FAIM2: variants seen among roughly 807,000 people sequenced by gnomAD.
FAIM2 encodes the protein Fas apoptotic inhibitory molecule 2.
In FAIM2, 27 loss-of-function variants were observed where a neutral mutation model predicts 47.4. That is an observed-to-expected ratio of 0.57 (90% confidence interval 0.42 to 0.78). The LOEUF is 0.78. Ranked by LOEUF, FAIM2 falls within the 30% of genes least tolerant of loss-of-function variation. The pLI, the probability that FAIM2 is intolerant of heterozygous loss-of-function variation, is 0.00. For synonymous variants in FAIM2, 156 were observed against 159.3 expected (o/e 0.98, Z 0.16); for missense variants, 311 against 389.4 (o/e 0.80, Z 1.69).
chr12:49,876,559 CGAG>C (rs1946737854), intron 11 of FAIM2, among the ~76,000 whole-genome samples: 2 of 151,344 alleles, frequency 1.3e-5, no homozygotes, highest in African/African-American at 4.9e-5. Flanking sequence ...GTCAGGAGAT[CGAG>C]ACCATCCTGG....
intron 11 of FAIM2, among the ~76,000 whole-genome samples, chr12:49,880,219 T>C (rs1490933329): frequency 1.3e-5 from 2 of 151,784 alleles, no homozygotes; most frequent in African/African-American, 2.4e-5. Context: ...CATGTGTGTA[T>C]ATGTGCATGC....
rs1310752354 is a variant in FAIM2 at position 49,875,000 on chromosome 12, T to C, written c.802-4347A>G. Among the ~76,000 whole-genome samples the C allele has an allele frequency of 2.0e-5, 3 of 152,170 alleles. No individual in the cohort carries two copies. The highest frequency in any genetic ancestry group is 7.2e-5 in the African/African-American group (3 of 41,442). The stretch of plus-strand genomic sequence containing the variant: ...GTCAGAGGAGCGCACATAGCAAATA[T>C]CTATGAAATGCATAAAGAAAGGTCT... On this transcript the variant is annotated intron_variant, in intron 11 of 11. Transcript: ENST00000320634. The surrounding 1 kb of genome is among the most constrained non-coding windows in gnomAD (Gnocchi z 4.2).
chr12:49,889,236 G>A (rs371670853), intron 9 of FAIM2, 34 bp from the exon 10 acceptor site: 202 of 1,544,644 alleles, frequency 1.3e-4, no homozygotes, highest in Middle Eastern at 1.7e-4. Context: ...CTGCAGGAGC[G>A]GCCTGACCTT....
intron 11 of FAIM2, among the ~76,000 whole-genome samples, chr12:49,872,708 G>A (rs1351148285): frequency 2.0e-5 from 3 of 152,186 alleles, no homozygotes; most frequent in Non-Finnish European, 4.4e-5. Flanking sequence ...ATGAGCACAG[G>A]CTTGAAAGTC....
chr12:49,882,135 A>G (rs1946830182), intron 11 of FAIM2, among the ~76,000 whole-genome samples: 2 of 152,188 alleles, frequency 1.3e-5, no homozygotes, highest in African/African-American at 4.8e-5. Context: ...TGCCAGGGAC[A>G]CCTGCATGCA....
intron 11 of FAIM2, among the ~76,000 whole-genome samples, chr12:49,880,879 T>TGA (rs753738579): frequency 1.9e-3 from 171 of 87,954 alleles, no homozygotes; most frequent in African/African-American, 7.2e-3. Context: ...TGCGTGAATG[T>TGA]GAGTGTGTGT....
intron 11 of FAIM2, among the ~76,000 whole-genome samples, chr12:49,885,826 C>T (rs1032627009): frequency 7.9e-5 from 12 of 152,214 alleles, no homozygotes; most frequent in Admixed American, 5.9e-4. Context: ...CTCTGCACCA[C>T]GCACTGCACT....
chr12:49,881,556 G>C (rs1380596034), intron 11 of FAIM2, among the ~76,000 whole-genome samples: 1 of 151,946 alleles, frequency 6.6e-6, no homozygotes, highest in African/African-American at 2.4e-5. Context: ...CCAGCTGCAG[G>C]CATGTGCCCC....
chr12:49,884,775 C>G (rs150922165), intron 11 of FAIM2, among the ~76,000 whole-genome samples: 2,325 of 152,280 alleles, frequency 0.015, 33 homozygotes, highest in Middle Eastern at 0.027. Context: ...GAGATCGAGA[C>G]CATCCTGGCT....
chr12:49,880,384 ATG>A lies in FAIM2; in HGVS notation c.801+7000_801+7001del, dbSNP rs1946806760. Among the ~76,000 whole-genome samples the A allele has an allele frequency of 4.6e-5, 5 of 108,000 alleles. No individual in the cohort carries two copies. The South Asian group carries it at 1.2e-3, about 27-fold the overall frequency. 70.9% of individuals were successfully genotyped at this position (108,000 alleles called of 152,430 possible). On this transcript the variant is annotated intron_variant, in intron 11 of 11. Transcript: ENST00000320634. ...TATATGTGCATGTGTATGTGTGTCT[ATG>A]TGTGCATGTGAGTGTATGTATGTGC...
intron 11 of FAIM2, among the ~76,000 whole-genome samples, chr12:49,876,688 C>T (rs911851063): frequency 7.2e-5 from 11 of 151,812 alleles, no homozygotes; most frequent in Non-Finnish European, 1.3e-4. Context: ...AGGAGAATGG[C>T]GTGAACCCAG....
At chr12:49,897,629 G>A (rs1946947454) in intron 3 of FAIM2, 46 bp from the exon 4 acceptor site, 3 of 1,463,232 alleles carry the variant, frequency 2.1e-6, no homozygotes, top group Non-Finnish European at 2.9e-6. Context: ...CCCTGTTAGG[G>A]ACCTGTCAGC....
At chr12:49,878,990 G>A (rs1252017129) in intron 11 of FAIM2, among the ~76,000 whole-genome samples, 1 of 134,464 alleles carries the variant, frequency 7.4e-6, no homozygotes, top group Non-Finnish European at 1.6e-5. Context: ...ATGCATATGA[G>A]TGTATCTGTG....
rs976582542 is a variant in FAIM2, at chr12:49,874,313, G to A, written c.802-3660C>T. ...ATCTCCCTCTCCCCATTTGCCCTGG[G>A]AGGTGGGCGTCCTCATGGTCTTACA... On this transcript the variant is annotated intron_variant, in intron 11 of 11. Transcript: ENST00000320634. This position sits in a 1 kb window ranked among gnomAD's most constrained non-coding sequence, Gnocchi z 4.2. Among the ~76,000 whole-genome samples the A allele has an allele frequency of 1.3e-4, 20 of 152,182 alleles. No homozygotes were observed. Among genetic ancestry groups the A allele is most frequent in the Non-Finnish European group, 2.5e-4 (17 of 68,032 alleles).
At chr12:49,893,036 T>G (rs762769734) in intron 5 of FAIM2, among the ~76,000 whole-genome samples, 12 of 152,180 alleles carry the variant, frequency 7.9e-5, no homozygotes, top group Admixed American at 2.0e-4. Flanking sequence ...GCTGCCCTCT[T>G]CCCTCCACCC....
intron 2 of FAIM2, among the ~76,000 whole-genome samples, chr12:49,900,659 C>T (rs963347548): frequency 6.6e-6 from 1 of 152,254 alleles, no homozygotes; most frequent in Non-Finnish European, 1.5e-5. Flanking sequence ...CCCCCAACAG[C>T]CCTGGGGCCT....
Position 49,897,914 on chromosome 12 carries a change from G to GT in FAIM2, c.315+72dup, listed in dbSNP as rs1946950546. The GT allele has an allele frequency of 1.7e-5, 20 of 1,159,320 alleles. No homozygotes were observed. In the South Asian group the frequency reaches 2.5e-4, roughly 14 times the overall value. 71.8% of individuals were successfully genotyped at this position (1,159,320 alleles called of 1,614,324 possible). ...CAGGGATGGCTTCTGCAGGCAGAGG[G>GT]TTGGGCCAGGGACCTCTCCAGGGGC... On this transcript the variant is annotated intron_variant, in intron 3 of 11. Transcript: ENST00000320634.
intron 2 of FAIM2, among the ~76,000 whole-genome samples, chr12:49,899,371 A>G (rs1946965034): frequency 6.6e-6 from 1 of 152,112 alleles, no homozygotes; most frequent in Non-Finnish European, 1.5e-5. Context: ...AAAGCTGACC[A>G]TGGTATTGCC....
At chr12:49,898,123 G>T in intron 2 of FAIM2, 33 bp from the exon 3 acceptor site, 1 of 1,517,066 alleles carries the variant, frequency 6.6e-7, no homozygotes, top group Non-Finnish European at 9.2e-7. Flanking sequence ...GGACATGAGG[G>T]TTCCCCCTAC....
Sources: gnomAD v4.1 joint callset for allele counts (sites outside exome capture counted in the v4.1 genomes callset) on GRCh38, gnomAD v4.1.1 for gene constraint, Gnocchi (gnomAD v3.1) non-coding constraint, MANE v1.5 for transcripts, NCBI Gene and HGNC (gene_info 2026-07-23, HGNC 2026-07-21) for gene names.